COL6A3: variants seen among roughly 807,000 people sequenced by gnomAD.
The protein encoded by COL6A3 is collagen alpha-3(VI) chain.
Under a neutral mutation model 274.1 loss-of-function variants are expected in COL6A3, and 137 were observed. The observed-to-expected ratio is 0.50, with a 90% CI of 0.44 to 0.58. The LOEUF is 0.58. COL6A3 is among the 20% of genes least tolerant of loss of function. COL6A3 has a pLI of 0.00. For missense variants in COL6A3, 3,950 were observed against 4,124.9 expected (o/e 0.96, Z 1.16); for synonymous variants, 1,650 against 1,650.6 (o/e 1.00, Z 0.01).
chr2:237,383,342 G>C (rs754187913), intron 4 of COL6A3, among the ~76,000 whole-genome samples: 6 of 152,170 alleles, frequency 3.9e-5, no homozygotes, highest in African/African-American at 1.2e-4. Flanking sequence ...GAACATCATT[G>C]AACCTTTTCT....
Position 237,361,709 on chromosome 2 carries a change from C to G in COL6A3, c.6156+30G>C. 2.5e-6 allele frequency: 4 copies of G among 1,593,700 alleles called. No individual in the cohort carries two copies. Among genetic ancestry groups the G allele is most frequent in the Non-Finnish European group, 3.4e-6 (4 of 1,161,280 alleles). ...ATGTCGGGCTTCTGACACCTCATCT[C>G]AGGCGTGGGCAAGGGTAAAGCCACC... On this transcript the variant is annotated intron_variant, in intron 15 of 43. Coordinates refer to ENST00000295550, the MANE Select transcript of COL6A3 (RefSeq NM_004369.4). The surrounding 1 kb of genome is among the most constrained non-coding windows in gnomAD (Gnocchi z 5.1).
intron 1 of COL6A3, among the ~76,000 whole-genome samples, chr2:237,408,848 G>A (rs1348974917): frequency 2.0e-5 from 3 of 152,128 alleles, no homozygotes; most frequent in Non-Finnish European, 2.9e-5. Flanking sequence ...GAGAAGGTTT[G>A]GCAGAACTTT....
At chr2:237,384,076 T>C (rs1259254980) in intron 4 of COL6A3, among the ~76,000 whole-genome samples, 1 of 152,010 alleles carries the variant, frequency 6.6e-6, no homozygotes. Context: ...CACTGAAAAA[T>C]ATTGAGTAAC....
At chr2:237,359,617 C>T (rs879660291) in intron 17 of COL6A3, among the ~76,000 whole-genome samples, 2 of 152,214 alleles carry the variant, frequency 1.3e-5, no homozygotes, top group Non-Finnish European at 2.9e-5. Context: ...CCTGGGCCGG[C>T]GGGGGTGGAC....
chr2:237,326,880 T>G (rs983870638), intron 42 of COL6A3: 18 of 152,224 alleles, frequency 1.2e-4, no homozygotes, highest in African/African-American at 4.1e-4. Context: ...GACTCAAAGG[T>G]GCACAGGACT....
At chr2:237,335,026 T>C in intron 40 of COL6A3, 137 bp from the exon 41 acceptor site, 1 of 961,576 alleles carries the variant, frequency 1.0e-6, no homozygotes, top group Non-Finnish European at 1.6e-6. Flanking sequence ...GGAACTAATT[T>C]CTTGTTCAAG....
intron 3 of COL6A3, among the ~76,000 whole-genome samples, chr2:237,391,400 T>C (rs1428645317): frequency 1.3e-5 from 2 of 152,230 alleles, no homozygotes; most frequent in Non-Finnish European, 2.9e-5. Flanking sequence ...ATCTCATTGT[T>C]TGTCCATTAC....
Position 237,340,598 on chromosome 2 carries a change from C to T in COL6A3, c.8318G>A (p.Gly2773Asp). ...KCKGYFFVVLGIGRKVNIKEV... is the reference protein window; with the variant it reads ...KCKGYFFVVLDIGRKVNIKEV... ...CTTGATGTTCACCTTCCTGCCAATG[C>T]CCAGGACCACGAAGAAGTAGCCCTT... The change falls in exon 38 of 44, where the codon GGC becomes GAC. Residue 2773 changes from glycine (G) to aspartate (D), a missense_variant. Around this residue, in one of 5 missense-constraint regions of COL6A3, gnomAD observed 1,284 missense variants for 1,349.7 expected, o/e 0.95. Coordinates refer to ENST00000295550, the MANE Select transcript of COL6A3 (RefSeq NM_004369.4). 6.2e-7 allele frequency: 1 copy of T among 1,614,210 alleles called. No individual in the cohort carries two copies. Among genetic ancestry groups the T allele is most frequent in the Non-Finnish European group, 8.5e-7 (1 of 1,180,030 alleles).
At chr2:237,330,436 A>G (rs1229852973) in intron 42 of COL6A3, among the ~76,000 whole-genome samples, 4 of 152,230 alleles carry the variant, frequency 2.6e-5, no homozygotes, top group Non-Finnish European at 5.9e-5. Context: ...TAATTCTTTT[A>G]GATGCCGAGC....
Position 237,377,085 on chromosome 2 carries a change from C to T in COL6A3, c.2757G>A (p.Ala919=), listed in dbSNP as rs115874872. The T allele has an allele frequency of 4.8e-5, 78 of 1,614,196 alleles. No homozygotes were observed. The highest frequency in any genetic ancestry group is 5.9e-5 in the Non-Finnish European group (70 of 1,180,050). ...AAATGTACCTCTGTGCATAGTCCAG[C>T]GCGTAGCCCAGGTTGAGGGCTTTGC... The part of the protein sequence containing the change: ...KTGKALNLGY[A]LDYAQRYIFV... The change falls in exon 7 of 44, where the codon GCG becomes GCA. Residue 919 remains alanine, a synonymous_variant. Transcript: ENST00000295550.
intron 42 of COL6A3, among the ~76,000 whole-genome samples, chr2:237,331,117 T>TA (rs1290680058): frequency 2.0e-5 from 3 of 152,184 alleles, no homozygotes; most frequent in African/African-American, 7.2e-5. Flanking sequence ...CATGTAAATA[T>TA]AAAAAATATA....
rs140164048 is a variant in COL6A3 at position 237,408,863 on chromosome 2, A to G, written c.-31+5090T>C. On this transcript the variant is annotated intron_variant, in intron 1 of 43. Transcript: ENST00000295550. ...GAGAAGGTTTGGCAGAACTTTTCGTATTTGTTTTTTTCTTCTCTCCTTTTT... is the reference window on the plus strand; with the variant it reads ...GAGAAGGTTTGGCAGAACTTTTCGTGTTTGTTTTTTTCTTCTCTCCTTTTT... Among the ~76,000 whole-genome samples, 300 of 152,202 alleles carry G rather than the reference A, an allele frequency of 2.0e-3. 1 individual carries two copies. Among genetic ancestry groups the G allele is most frequent in the African/African-American group, 6.6e-3 (272 of 41,512 alleles).
intron 42 of COL6A3, 66 bp downstream of exon 42, chr2:237,333,384 T>C: frequency 6.8e-7 from 1 of 1,475,396 alleles, no homozygotes; most frequent in Non-Finnish European, 9.5e-7. Flanking sequence ...ACCCAGGAAG[T>C]TAAATTGGAA....
At chr2:237,331,007 C>T (rs1700199141) in intron 42 of COL6A3, among the ~76,000 whole-genome samples, 1 of 152,126 alleles carries the variant, frequency 6.6e-6, no homozygotes. Flanking sequence ...AAAAAGCAAA[C>T]AGTAGCATCT....
At chr2:237,356,642 T>C (rs1489700592) in intron 23 of COL6A3, 3 of 155,672 alleles carry the variant, frequency 1.9e-5, no homozygotes, top group Non-Finnish European at 4.3e-5. Context: ...AGACCTCCCC[T>C]AGGCACCCAC....
chr2:237,367,768 G>A (rs1248142438), intron 10 of COL6A3, among the ~76,000 whole-genome samples: 1 of 152,200 alleles, frequency 6.6e-6, no homozygotes, highest in East Asian at 1.9e-4. Flanking sequence ...AAAATAGGAA[G>A]AGGCCCCTTA....
rs116730126 is a variant in COL6A3, at chr2:237,383,782, C to T, written c.1313-2283G>A. 2.7e-3 allele frequency among the ~76,000 whole-genome samples: 414 copies of T among 152,202 alleles called. 4 individuals carry two copies. Among genetic ancestry groups the T allele is most frequent in the African/African-American group, 9.5e-3 (393 of 41,520 alleles). On this transcript the variant is annotated intron_variant, in intron 4 of 43. Coordinates refer to ENST00000295550, the MANE Select transcript of COL6A3 (RefSeq NM_004369.4). ...GAGAAGATAAATATCATCCCCTACC[C>T]TCCCACGTTTTCCCTCCCCCTACCA...
chr2:237,395,363 C>G (rs1574757504), intron 2 of COL6A3, among the ~76,000 whole-genome samples, 159 bp from the exon 3 acceptor site: 1 of 152,342 alleles, frequency 6.6e-6, no homozygotes, highest in Non-Finnish European at 1.5e-5. Flanking sequence ...TACCTGGGAA[C>G]CAGGGACCTG....
Position 237,375,023 on chromosome 2 carries a change from GGGA to G in COL6A3, c.3071-6_3071-4del, listed in dbSNP as rs1559251738. 7.4e-6 allele frequency: 12 copies of G among 1,613,384 alleles called. No homozygotes were observed. Among genetic ancestry groups the G allele is most frequent in the Non-Finnish European group, 9.3e-6 (11 of 1,180,026 alleles). On this transcript the variant is annotated splice_polypyrimidine_tract_variant and splice_region_variant and intron_variant, in intron 7 of 43. Coordinates refer to ENST00000295550, the MANE Select transcript of COL6A3 (RefSeq NM_004369.4). ...CACCACGTCCTTTTCACCTGAAACT[GGGA>G]GGAGGACAGCCTGGTAACTCACACA... is the stretch of plus-strand genomic sequence containing the variant.
Sources: gnomAD v4.1 joint callset for allele counts (sites outside exome capture counted in the v4.1 genomes callset) on GRCh38, gnomAD v4.1.1 for gene constraint, gnomAD v4.1.1 regional missense constraint, Gnocchi (gnomAD v3.1) non-coding constraint, MANE v1.5 for transcripts, NCBI Gene and HGNC (gene_info 2026-07-23, HGNC 2026-07-21) for gene names.